The following CDH12 variants were observed in gnomAD, a reference collection of about 807,000 sequenced individuals.
The protein encoded by CDH12 is cadherin 12.
CDH12 carries 41 observed loss-of-function variants against 74.1 expected under a neutral mutation model. The ratio of observed to expected loss-of-function variants is 0.55; its 90% CI spans 0.43 to 0.72. The LOEUF (loss-of-function observed/expected upper bound fraction) is 0.72, where lower values mean the gene tolerates loss of function less well. CDH12 is among the 30% of genes least tolerant of loss of function. The pLI is 0.00. For missense variants in CDH12, 945 were observed against 977.2 expected, an observed-to-expected ratio of 0.97 and a Z score of 0.44; for synonymous variants, 399 against 355.0, an observed-to-expected ratio of 1.12 and a Z score of -1.39.
chr5:22,290,457 A>G (rs1369258459), intron 3 of CDH12, among the ~76,000 whole-genome samples: 1 of 152,242 alleles, frequency 6.6e-6, no homozygotes, highest in Non-Finnish European at 1.5e-5. Flanking sequence ...ATGACAAAGG[A>G]ACAAAAAATC....
At chr5:22,215,601 A>G (rs1751776461) in intron 3 of CDH12, among the ~76,000 whole-genome samples, 1 of 152,174 alleles carries the variant, frequency 6.6e-6, no homozygotes, top group Non-Finnish European at 1.5e-5. Context: ...TTTTAAAACA[A>G]GAAAATAGCT....
At chr5:22,228,814 C>A (rs1752283702) in intron 3 of CDH12, among the ~76,000 whole-genome samples, 1 of 152,046 alleles carries the variant, frequency 6.6e-6, no homozygotes, top group Non-Finnish European at 1.5e-5. Flanking sequence ...AAAATTTATT[C>A]TTTCTTCTAA....
intron 3 of CDH12, among the ~76,000 whole-genome samples, chr5:22,306,452 T>TA (rs1738118888): frequency 6.6e-6 from 1 of 152,152 alleles, no homozygotes; most frequent in South Asian, 2.1e-4. Context: ...ATCAGCTAGT[T>TA]AAAAATGACA....
chr5:22,241,009 A>G (rs1238778674), intron 3 of CDH12, among the ~76,000 whole-genome samples: 2 of 152,128 alleles, frequency 1.3e-5, no homozygotes. Context: ...AGGAACAGCT[A>G]GAGAATGGAA....
chr5:22,656,323 G>T (rs938518537), intron 1 of CDH12, among the ~76,000 whole-genome samples: 1 of 152,132 alleles, frequency 6.6e-6, no homozygotes, highest in African/African-American at 2.4e-5. Context: ...CTTTAAAAAG[G>T]TGTTCAAGCC....
At chr5:22,588,506 G>T (rs1740523717) in intron 1 of CDH12, among the ~76,000 whole-genome samples, 1 of 152,126 alleles carries the variant, frequency 6.6e-6, no homozygotes. Context: ...CTGAGGTACT[G>T]GTTTGGGATT....
intron 5 of CDH12, among the ~76,000 whole-genome samples, chr5:22,050,995 C>T (rs919033859): frequency 6.6e-6 from 1 of 152,070 alleles, no homozygotes; most frequent in Non-Finnish European, 1.5e-5. Context: ...TGTAGATTCC[C>T]ACATCCTATG....
At chr5:22,024,724 G>A (rs567793981) in intron 5 of CDH12, among the ~76,000 whole-genome samples, 2 of 151,978 alleles carry the variant, frequency 1.3e-5, no homozygotes, top group South Asian at 4.2e-4. Flanking sequence ...ATATTGGTCA[G>A]GTTGGTCTTG....
At chr5:22,705,027 T>C (rs1742916144) in intron 1 of CDH12, among the ~76,000 whole-genome samples, 1 of 151,670 alleles carries the variant, frequency 6.6e-6, no homozygotes, top group Non-Finnish European at 1.5e-5. Context: ...AATATATATA[T>C]GCATATATAT....
chr5:21,885,947 C>A (rs1752605976), intron 6 of CDH12, among the ~76,000 whole-genome samples: 1 of 152,254 alleles, frequency 6.6e-6, no homozygotes, highest in Middle Eastern at 3.4e-3. Context: ...AAAGAAGACC[C>A]CAGCATATCT....
rs138168364 is a variant in CDH12 at position 21,824,996 on chromosome 5, A to T, written c.815-7864T>A. ...TGGTGAAACTCCATCTCTACCAAAA[A>T]TAAAAAAATTAGCCGGGTGTGGTAG... On this transcript the variant is annotated intron_variant, in intron 8 of 14. Transcript: ENST00000382254. Among the ~76,000 whole-genome samples the T allele has an allele frequency of 3.4e-3, 518 of 152,160 alleles. 2 individuals carry two copies. Among genetic ancestry groups the T allele is most frequent in the African/African-American group, 0.011 (477 of 41,516 alleles).
intron 1 of CDH12, among the ~76,000 whole-genome samples, chr5:22,790,430 A>G (rs1177919309): frequency 6.6e-6 from 1 of 152,116 alleles, no homozygotes; most frequent in Non-Finnish European, 1.5e-5. Context: ...AGATTAGCCC[A>G]AAGCCTTACA....
intron 4 of CDH12, among the ~76,000 whole-genome samples, chr5:22,188,178 T>C (rs1441216304): frequency 6.6e-6 from 1 of 151,696 alleles, no homozygotes; most frequent in Non-Finnish European, 1.5e-5. Context: ...GTGATCCTAG[T>C]AGTGAGTTCC....
chr5:22,697,050 A>C (rs1156299737), intron 1 of CDH12, among the ~76,000 whole-genome samples: 3 of 152,150 alleles, frequency 2.0e-5, no homozygotes, highest in African/African-American at 7.2e-5. Context: ...TTCTGAGCCC[A>C]TGGTTAGATT....
chr5:22,283,792 C>T (rs1737020197), intron 3 of CDH12, among the ~76,000 whole-genome samples: 2 of 152,098 alleles, frequency 1.3e-5, no homozygotes, highest in Admixed American at 1.3e-4. Context: ...GAAAACATAA[C>T]TCTGCAAGGC....
At chr5:22,427,808 A>G (rs1308155770) in intron 2 of CDH12, among the ~76,000 whole-genome samples, 1 of 152,130 alleles carries the variant, frequency 6.6e-6, no homozygotes, top group African/African-American at 2.4e-5. Context: ...TGTCTATTTT[A>G]TCGAAGGTTC....
chr5:22,292,924 G>T (rs1298057927), intron 3 of CDH12, among the ~76,000 whole-genome samples: 1 of 151,954 alleles, frequency 6.6e-6, no homozygotes, highest in Non-Finnish European at 1.5e-5. Flanking sequence ...TTGCCTCCTT[G>T]CCCCTAATTA....
intron 9 of CDH12, among the ~76,000 whole-genome samples, chr5:21,811,801 C>T (rs1747763278): frequency 7.0e-6 from 1 of 142,152 alleles, no homozygotes; most frequent in African/African-American, 2.6e-5. Context: ...TTTGTTTTAC[C>T]AATATCTTAT....
chr5:22,544,437 A>C (rs1393345328), intron 1 of CDH12, among the ~76,000 whole-genome samples: 1 of 152,168 alleles, frequency 6.6e-6, no homozygotes, highest in Non-Finnish European at 1.5e-5. Context: ...CATATGTTCA[A>C]AATCATTCTG....
Sources: allele counts gnomAD v4.1 joint callset (sites outside exome capture counted in the v4.1 genomes callset), GRCh38; gene constraint gnomAD v4.1.1; transcripts MANE v1.5; gene names NCBI Gene and HGNC (gene_info 2026-07-23, HGNC 2026-07-21).